Variants in MCM3AP observed in about 807,000 individuals in gnomAD.
The protein encoded by MCM3AP is germinal-center associated nuclear protein.
A neutral mutation model predicts 184.1 loss-of-function variants in MCM3AP; 126 were observed. The ratio of observed to expected loss-of-function variants is 0.68; its 90% CI spans 0.59 to 0.79. The LOEUF is 0.79. MCM3AP is among the 30% of genes least tolerant of loss of function. The pLI, the probability that MCM3AP is intolerant of heterozygous loss-of-function variation, is 0.00. For synonymous variants in MCM3AP, 1,002 were observed against 979.3 expected, an observed-to-expected ratio of 1.02 and a Z score of -0.43; for missense variants, 2,496 against 2,479.2, an observed-to-expected ratio of 1.01 and a Z score of -0.14.
intron 2 of MCM3AP, among the ~76,000 whole-genome samples, chr21:46,283,051 G>A (rs1407707692): frequency 2.0e-5 from 3 of 151,334 alleles, no homozygotes; most frequent in Non-Finnish European, 4.4e-5. Context: ...TCAGCCTCCC[G>A]AGTAGCTGAG....
At chr21:46,251,492 A>G in intron 20 of MCM3AP, 37 bp downstream of exon 20, 1 of 1,544,358 alleles carries the variant, frequency 6.5e-7, no homozygotes, top group Non-Finnish European at 8.9e-7. Context: ...GAAAGTAATG[A>G]AAACACAGAA....
chr21:46,251,706 AAC>A, intron 19 of MCM3AP, 24 bp from the exon 20 acceptor site: 2 of 1,417,510 alleles, frequency 1.4e-6, no homozygotes, highest in Admixed American at 4.2e-5. Context: ...AAAAACAAAA[AAC>A]AAAAAAAACA....
rs768052088 is a variant in MCM3AP, at chr21:46,284,616, G to A, written c.671C>T (p.Pro224Leu). The change falls in exon 1 of 28, where the codon CCT (proline) becomes CTT (leucine). Residue 224 changes from proline (P) to leucine (L), a missense_variant. This residue lies in a region of MCM3AP where 800 missense variants were observed against 717.1 expected (regional missense o/e 1.12). Coordinates refer to ENST00000291688, the MANE Select transcript of MCM3AP (RefSeq NM_003906.5). ...CTCTACATTTTGGTTTGACAAAGCA[G>A]GGGTAAAGGCAGATAATGAATTATT... ...SSNNSLSAFTPALSNQNVEEE... is the reference protein window; with the variant it reads ...SSNNSLSAFTLALSNQNVEEE... The A allele has an allele frequency of 9.9e-6, 16 of 1,614,174 alleles. No individual in the cohort carries two copies. The highest frequency in any genetic ancestry group is 4.5e-5 in the East Asian group (2 of 44,888).
chr21:46,276,598 C>T (rs549422441), intron 5 of MCM3AP, among the ~76,000 whole-genome samples: 15 of 151,960 alleles, frequency 9.9e-5, no homozygotes, highest in African/African-American at 2.7e-4. Flanking sequence ...TGTGCCACCA[C>T]GCCCGGCTAA....
At chr21:46,239,627 G>T (rs1003614363) in intron 26 of MCM3AP, among the ~76,000 whole-genome samples, 2 of 152,332 alleles carry the variant, frequency 1.3e-5, no homozygotes, top group East Asian at 1.9e-4. Context: ...CATCCAATAG[G>T]TGTCTAATGA....
In MCM3AP at chr21:46,265,974, C is replaced by G; in HGVS notation, c.2982G>C (p.Leu994=). The G allele has an allele frequency of 6.2e-7, 1 of 1,603,644 alleles. No individual in the cohort carries two copies. The highest frequency in any genetic ancestry group is 8.5e-7 in the Non-Finnish European group (1 of 1,173,860). ...NSQNKYIGES[L]AAELPVSTQR... The stretch of plus-strand genomic sequence containing the variant: ...GGGTGCTGACGGGCAGCTCCGCGGC[C>G]AGGCTCTCCCCGATGTACTTGTTCT... The change falls in exon 11 of 28, where the codon CTG becomes CTC. Residue 994 remains leucine (L), a synonymous_variant. Coordinates refer to ENST00000291688, the MANE Select transcript of MCM3AP (RefSeq NM_003906.5).
intron 2 of MCM3AP, among the ~76,000 whole-genome samples, chr21:46,281,602 A>G (rs919633413): frequency 6.6e-6 from 1 of 152,194 alleles, no homozygotes; most frequent in Non-Finnish European, 1.5e-5. Flanking sequence ...TGGGAGGATC[A>G]CTTGTGCCCA....
rs1223334878 is a variant in MCM3AP, at chr21:46,273,009, G to GA, written c.2197-181dup. On this transcript the variant is annotated intron_variant, in intron 7 of 27. Transcript: ENST00000291688. The stretch of plus-strand genomic sequence containing the variant: ...AGTCCTGGGGTTTGTTTTTTTTTTT[G>GA]AGACAGAAGCCAGGCTGGAGTGCAG... Among the ~76,000 whole-genome samples the GA allele has an allele frequency of 1.2e-4, 17 of 145,782 alleles. No homozygotes were observed. The East Asian group carries it at 2.4e-3, about 20-fold the overall frequency.
Position 46,261,207 on chromosome 21 carries a change from C to T in MCM3AP, c.3467+73G>A, listed in dbSNP as rs575035154. On this transcript the variant is annotated intron_variant, in intron 14 of 27. Coordinates refer to ENST00000291688, the MANE Select transcript of MCM3AP (RefSeq NM_003906.5). ...GCACAGTGGACAATAGCAGGAGCATCGTGGCTAGGGTCAGTTCTTGCCTGT... is the reference window on the plus strand; with the variant it reads ...GCACAGTGGACAATAGCAGGAGCATTGTGGCTAGGGTCAGTTCTTGCCTGT... 3.3e-5 allele frequency: 51 copies of T among 1,562,050 alleles called. No individual in the cohort carries two copies. The South Asian group carries it at 4.1e-4, about 13-fold the overall frequency.
intron 1 of MCM3AP, 60 bp downstream of exon 1, chr21:46,284,008 G>A: frequency 6.4e-7 from 1 of 1,562,568 alleles, no homozygotes; most frequent in East Asian, 2.3e-5. Context: ...AACACCCAGA[G>A]AAACGTATTG....
chr21:46,253,365 A>G (rs1412305716), intron 19 of MCM3AP: 10 of 152,088 alleles, frequency 6.6e-5, no homozygotes, highest in African/African-American at 2.4e-4. Flanking sequence ...ATAACAATCA[A>G]CTCTTAAATG....
intron 6 of MCM3AP, among the ~76,000 whole-genome samples, chr21:46,274,753 C>T (rs779509587): frequency 3.3e-5 from 5 of 151,726 alleles, no homozygotes; most frequent in African/African-American, 1.2e-4. Flanking sequence ...CTGGGCAACA[C>T]GGCAAGACCC....
chr21:46,281,218 G>A (rs921995666), intron 2 of MCM3AP, among the ~76,000 whole-genome samples: 7 of 152,230 alleles, frequency 4.6e-5, no homozygotes, highest in East Asian at 1.9e-4. Context: ...GAAAGTTTGC[G>A]AAGTCACAAT....
chr21:46,282,982 G>A (rs1182338131), intron 2 of MCM3AP, among the ~76,000 whole-genome samples: 1 of 151,598 alleles, frequency 6.6e-6, no homozygotes, highest in Non-Finnish European at 1.5e-5. Context: ...CTGGAGTGCA[G>A]TGGCACGAAC....
intron 13 of MCM3AP, among the ~76,000 whole-genome samples, chr21:46,263,604 G>A (rs2081069063): frequency 6.6e-6 from 1 of 151,336 alleles, no homozygotes; most frequent in Admixed American, 6.6e-5. Context: ...GGACAACATG[G>A]CGAAAAGCAT....
At chr21:46,269,300 A>G (rs2145687312) in intron 9 of MCM3AP, among the ~76,000 whole-genome samples, 1 of 151,478 alleles carries the variant, frequency 6.6e-6, no homozygotes, top group South Asian at 2.1e-4. Context: ...TATTTTTAGT[A>G]GAGACAGGGC....
Position 46,241,006 on chromosome 21 carries a change from T to C in MCM3AP, c.5438A>G (p.Lys1813Arg). Reference protein sequence around the residue: ...LQLREGRLAIKPFHPSANNFP... With the variant: ...LQLREGRLAIRPFHPSANNFP... ...ATTGTTTGCAGAAGGATGAAAAGGC[T>C]TTATTGCCAAACTGTAAGTACATGA... The change falls in exon 26 of 28, where the codon AAG becomes AGG. Residue 1813 changes from lysine (K) to arginine (R), a missense_variant. Physicochemically the swap from Lys to Arg is conservative, Grantham distance 26. Around this residue, in one of 5 missense-constraint regions of MCM3AP, gnomAD observed 1,323 missense variants for 1,273.4 expected, o/e 1.04. Coordinates refer to ENST00000291688, the MANE Select transcript of MCM3AP (RefSeq NM_003906.5). 2.5e-6 allele frequency: 4 copies of C among 1,612,300 alleles called. No individual in the cohort carries two copies. Among genetic ancestry groups the C allele is most frequent in the Non-Finnish European group, 3.4e-6 (4 of 1,178,964 alleles).
At position 46,258,937 on chromosome 21, in the gene MCM3AP, A is replaced by T; in HGVS notation, c.3734+2T>A. 1 of 1,614,112 alleles carries T rather than the reference A, an allele frequency of 6.2e-7. No individual in the cohort carries two copies. The highest frequency in any genetic ancestry group is 8.5e-7 in the Non-Finnish European group (1 of 1,180,006). On this transcript the variant is annotated splice_donor_variant, in intron 16 of 27. Coordinates refer to ENST00000291688, the MANE Select transcript of MCM3AP (RefSeq NM_003906.5). LOFTEE classifies it high-confidence loss of function. ...TTTTGCCTGTAGGAACACAGGACTCACCGCTGTAGATACTTGCAGAAGCAC... is the reference window on the plus strand; with the variant it reads ...TTTTGCCTGTAGGAACACAGGACTCTCCGCTGTAGATACTTGCAGAAGCAC...
chr21:46,277,585 A>C lies in MCM3AP; in HGVS notation c.1800T>G (p.Ala600=). Residue 600 remains alanine (A), a synonymous_variant, in exon 5 of 28, where the codon GCT becomes GCG. Transcript: ENST00000291688. The part of the protein sequence containing the change: ...LSLSTLIGTV[A]ETSKEKYRLL... ...GGCGGTACTTCTCCTTGGATGTCTC[A>C]GCCACAGTGCCTATCAGGGTACTGA... 6.2e-7 allele frequency: 1 copy of C among 1,609,286 alleles called. No individual in the cohort carries two copies. The highest frequency in any genetic ancestry group is 8.5e-7 in the Non-Finnish European group (1 of 1,177,876).
Sources: allele counts gnomAD v4.1 joint callset (sites outside exome capture counted in the v4.1 genomes callset), GRCh38; gene constraint gnomAD v4.1.1; regional missense constraint gnomAD v4.1.1; transcripts MANE v1.5; gene names NCBI Gene and HGNC (gene_info 2026-07-23, HGNC 2026-07-21).